The following YAE1 variants were observed in gnomAD, a reference collection of about 807,000 sequenced individuals.
YAE1 encodes the protein protein YAE1 homolog.
A neutral mutation model predicts 23.0 loss-of-function variants in YAE1; 22 were observed. That is an observed-to-expected ratio of 0.96 (90% CI 0.68 to 1.37). The LOEUF is 1.37. Among genes scored for constraint, YAE1 ranks in the 40% most tolerant of loss-of-function variants. YAE1 has a pLI of 0.00. For synonymous variants in YAE1, 101 were observed against 97.0 expected (o/e 1.04, Z -0.24); for missense variants, 260 against 262.1 (o/e 0.99, Z 0.06).
chr7:39,572,557 A>G lies in YAE1; in HGVS notation c.532A>G (p.Ile178Val), dbSNP rs1790589491. Residue 178 changes from isoleucine to valine, a missense_variant, in exon 3 of 3, where the codon ATA becomes GTA. Transcript: ENST00000223273. Reference protein sequence around the residue: ...NKNCSKSHSGIDCSYVECCRT... With the variant: ...NKNCSKSHSGVDCSYVECCRT... ...AAACTGTAGCAAGAGCCATAGTGGG[A>G]TAGATTGTTCATATGTAGAATGTTG... is the stretch of plus-strand genomic sequence containing the variant. 2 of 1,614,062 alleles carry G rather than the reference A, an allele frequency of 1.2e-6. No homozygotes were observed. The highest frequency in any genetic ancestry group is 1.7e-6 in the Non-Finnish European group (2 of 1,180,006).
chr7:39,588,086 C>T (rs1259350058), intron 2 of YAE1, among the ~76,000 whole-genome samples: 1 of 152,190 alleles, frequency 6.6e-6, no homozygotes, highest in East Asian at 1.9e-4. Context: ...TAAAATTTCT[C>T]CAGTCTTCCT....
At chr7:39,600,005 A>T (rs1193871974) in intron 2 of YAE1, among the ~76,000 whole-genome samples, 2 of 152,218 alleles carry the variant, frequency 1.3e-5, no homozygotes, top group Non-Finnish European at 2.9e-5. Context: ...GTCCTTAAAC[A>T]TTGATAGTCC....
chr7:39,577,840 G>A (rs868368143), downstream of YAE1, among the ~76,000 whole-genome samples: 4 of 152,256 alleles, frequency 2.6e-5, no homozygotes, highest in African/African-American at 4.8e-5. Context: ...CAGGATCCAC[G>A]AGGTGAAGCC....
downstream of YAE1, chr7:39,610,402 T>TGG (rs1791194628): frequency 8.8e-6 from 4 of 456,954 alleles, no homozygotes; most frequent in Non-Finnish European, 1.7e-5. Context: ...ATTCCAACGT[T>TGG]TCTGCAGGTC....
downstream of YAE1, among the ~76,000 whole-genome samples, chr7:39,611,141 C>T (rs548848908): frequency 6.7e-6 from 1 of 150,046 alleles, no homozygotes; most frequent in East Asian, 2.0e-4. Flanking sequence ...GAGTAAGATT[C>T]CATCTCAAAG....
rs1022751479 is a variant in YAE1, at chr7:39,570,000, C to G, written c.130-506C>G. ...TCTTCTCCCCATTCAGCAAAACTTT[C>G]CCATTCCGGTTAATGGTTTTGACAA... is the stretch of plus-strand genomic sequence containing the variant. On this transcript the variant is annotated intron_variant, in intron 1 of 2. Coordinates refer to ENST00000223273, the MANE Select transcript of YAE1 (RefSeq NM_020192.5). 3 of 1,355,372 alleles carry G rather than the reference C, an allele frequency of 2.2e-6. No individual in the cohort carries two copies. In the African/African-American group the frequency reaches 4.3e-5, roughly 20 times the overall value. The allele number at this position is 1,355,372 out of a possible 1,614,324, so 84.0% of individuals were successfully genotyped here.
chr7:39,574,050 C>T (rs919783534), downstream of YAE1, among the ~76,000 whole-genome samples: 6 of 152,146 alleles, frequency 3.9e-5, no homozygotes, highest in African/African-American at 7.2e-5. Context: ...GTTGCTGTGC[C>T]GTGCATATAC....
downstream of YAE1, among the ~76,000 whole-genome samples, chr7:39,577,378 T>C (rs1425600467): frequency 6.6e-6 from 1 of 152,178 alleles, no homozygotes; most frequent in East Asian, 1.9e-4. Flanking sequence ...TGCTGCGCTG[T>C]GGGAGCCCCT....
chr7:39,610,351 T>C, downstream of YAE1: 2 of 470,428 alleles, frequency 4.3e-6, no homozygotes, highest in South Asian at 3.2e-5. Flanking sequence ...TTTGCAACTG[T>C]TTGATATCAC....
At chr7:39,592,431 A>T (rs73377385) in intron 2 of YAE1, among the ~76,000 whole-genome samples, 10,020 of 152,214 alleles carry the variant, frequency 0.066, 1,138 homozygotes, top group African/African-American at 0.23. Context: ...TGAGATACAG[A>T]TGCTCCTCAA....
intron 2 of YAE1, among the ~76,000 whole-genome samples, chr7:39,583,550 T>C (rs1790775367): frequency 1.3e-5 from 2 of 152,244 alleles, no homozygotes; most frequent in Non-Finnish European, 2.9e-5. Context: ...GAGAATATGA[T>C]ATTTACAGAA....
chr7:39,566,538 A>G lies in YAE1; in HGVS notation c.120A>G (p.Arg40=), dbSNP rs1296757563. ...AQREWQSNMQ[R]RVKEGYRDGI... ...GGGAATGGCAGAGTAACATGCAAAG[A>G]CGAGTCAAAGTAAACGTGGTGTGGA... Residue 40 remains arginine, a synonymous_variant, in exon 1 of 3, where the codon AGA becomes AGG. Coordinates refer to ENST00000223273, the MANE Select transcript of YAE1 (RefSeq NM_020192.5). 6.2e-7 allele frequency: 1 copy of G among 1,613,928 alleles called. No individual in the cohort carries two copies. The highest frequency in any genetic ancestry group is 1.1e-5 in the South Asian group (1 of 91,068).
chr7:39,584,555 G>T (rs78457837), intron 2 of YAE1, among the ~76,000 whole-genome samples: 6,891 of 152,080 alleles, frequency 0.045, 270 homozygotes, highest in African/African-American at 0.096. Flanking sequence ...AAAACAATTA[G>T]GGCCTATTGT....
intron 2 of YAE1, among the ~76,000 whole-genome samples, chr7:39,589,121 T>A (rs1469218363): frequency 6.6e-6 from 1 of 151,774 alleles, no homozygotes; most frequent in Non-Finnish European, 1.5e-5. Context: ...CACACCTGGC[T>A]AATTTTAGTT....
chr7:39,610,154 G>T, exon 3 of YAE1: 1 of 797,760 alleles, frequency 1.3e-6, no homozygotes. Flanking sequence ...ATGAAGAGAA[G>T]ATTTGGGAGG....
At chr7:39,594,989 A>G (rs779998957) in intron 2 of YAE1, among the ~76,000 whole-genome samples, 1 of 152,196 alleles carries the variant, frequency 6.6e-6, no homozygotes, top group Non-Finnish European at 1.5e-5. Flanking sequence ...GCTCCAGGTT[A>G]TGATGTTACG....
At chr7:39,602,282 TAGA>T (rs1275919070) in intron 2 of YAE1, among the ~76,000 whole-genome samples, 2 of 152,190 alleles carry the variant, frequency 1.3e-5, no homozygotes, top group African/African-American at 4.8e-5. Flanking sequence ...GCTAGAAAGG[TAGA>T]ATATTCCAGC....
chr7:39,570,090 T>C, intron 1 of YAE1: 1 of 1,124,090 alleles, frequency 8.9e-7, no homozygotes, highest in Non-Finnish European at 1.3e-6. Context: ...CTCCAGTTCT[T>C]GTCTGTGATG....
At chr7:39,569,927 C>A in intron 1 of YAE1, 1 of 1,292,684 alleles carries the variant, frequency 7.7e-7, no homozygotes, top group South Asian at 1.2e-5. Context: ...ACTGTCCAGT[C>A]AGTCCTGGCT....
Sources: allele counts gnomAD v4.1 joint callset (sites outside exome capture counted in the v4.1 genomes callset), GRCh38; gene constraint gnomAD v4.1.1; transcripts MANE v1.5; gene names NCBI Gene and HGNC (gene_info 2026-07-23, HGNC 2026-07-21).